Variants in KRT81 observed in about 807,000 individuals in gnomAD.
KRT81 encodes the protein keratin, type II cuticular Hb1.
Under a neutral mutation model 35.8 loss-of-function variants are expected in KRT81, and 35 were observed. The ratio of observed to expected loss-of-function variants is 0.98; its 90% confidence interval spans 0.75 to 1.30. The LOEUF (loss-of-function observed/expected upper bound fraction) is 1.30, where lower values mean the gene tolerates loss of function less well. Among genes scored for constraint, KRT81 ranks in the 50% most tolerant of loss-of-function variants. KRT81 has a pLI of 0.00. For synonymous variants in KRT81, 249 were observed against 251.2 expected, an observed-to-expected ratio of 0.99 and a Z score of 0.08; for missense variants, 531 against 577.4, an observed-to-expected ratio of 0.92 and a Z score of 0.82.
At chr12:52,287,846 G>A (rs1282994283) in intron 5 of KRT81, 125 bp from the exon 6 acceptor site, 18 of 1,601,808 alleles carry the variant, frequency 1.1e-5, no homozygotes, top group African/African-American at 4.0e-5. Context: ...GTCCTGCCCT[G>A]CCACCCCAAC....
Position 52,287,339 on chromosome 12 carries a change from G to C in KRT81, c.1027-17C>G. On this transcript the variant is annotated splice_polypyrimidine_tract_variant and intron_variant, in intron 6 of 8. Coordinates refer to ENST00000327741, the MANE Select transcript of KRT81 (RefSeq NM_002281.4). The stretch of plus-strand genomic sequence containing the variant: ...CTTGGAGTTCTGAAGAGAACAGAAA[G>C]AACAAGGTAGATTAGAGTCCCTGGG... The C allele has an allele frequency of 1.2e-6, 2 of 1,613,888 alleles. No individual in the cohort carries two copies. The highest frequency in any genetic ancestry group is 8.5e-7 in the Non-Finnish European group (1 of 1,179,960).
rs1938093928 is a variant in KRT81, at chr12:52,290,545, C to CCCA, written c.370-260_370-259insTGG. Among the ~76,000 whole-genome samples the CCCA allele has an allele frequency of 1.1e-4, 2 of 18,320 alleles. 1 individual carries two copies. Among genetic ancestry groups the CCCA allele is most frequent in the Non-Finnish European group, 1.8e-4 (2 of 11,140 alleles). The allele number at this position is 18,320 out of a possible 152,430, so 12.0% of individuals were successfully genotyped here. A position where few individuals can be genotyped will look rare whatever the true frequency, so the allele number is the denominator to read the frequency against. On this transcript the variant is annotated intron_variant, in intron 1 of 8. Transcript: ENST00000327741. Reference sequence around the variant, plus strand: ...TGGGGAGTTGAGTGACCCCCCCCCCCCAACCCAAGCAGATGAACAGAAGTG... The same window carrying CCCA: ...TGGGGAGTTGAGTGACCCCCCCCCCCCCACAACCCAAGCAGATGAACAGAAGTG...
In KRT81 at chr12:52,287,091, G is replaced by A. The variant is rs934290936; in HGVS notation, c.1247+11C>T. 6.2e-7 allele frequency: 1 copy of A among 1,612,766 alleles called. No individual in the cohort carries two copies. ...GAAGGGTGGTTCTGGGCCACCCTTG[G>A]TTGGACCCACCTCTGCTCCTCGCCC... On this transcript the variant is annotated intron_variant, in intron 7 of 8. Transcript: ENST00000327741.
Position 52,286,468 on chromosome 12 carries a change from G to A in KRT81, c.1305C>T (p.Val435=), listed in dbSNP as rs974848929. The A allele has an allele frequency of 1.6e-5, 25 of 1,552,258 alleles. 2 individuals carry two copies. The South Asian group carries it at 1.9e-4, about 12-fold the overall frequency. The change falls in exon 9 of 9, where the codon GTC becomes GTT. Residue 435 remains valine (V), a synonymous_variant. Coordinates refer to ENST00000327741, the MANE Select transcript of KRT81 (RefSeq NM_002281.4). ...NVCVSSSRGG[V]VCGDLCVSGS... is the part of the protein sequence containing the mutation. The stretch of plus-strand genomic sequence containing the variant: ...CTGACACGCAGAGGTCCCCGCACAC[G>A]ACCCCGCCCCGGGAGCTGCTGACAC...
At position 52,286,430 on chromosome 12, in the gene KRT81, A is replaced by T. The variant is rs1419981004; in HGVS notation, c.1343T>A (p.Val448Glu). 3 of 1,553,032 alleles carry T rather than the reference A, an allele frequency of 1.9e-6. No individual in the cohort carries two copies. Among genetic ancestry groups the T allele is most frequent in the African/African-American group, 2.7e-5 (2 of 73,288 alleles). Residue 448 changes from valine to glutamate, a missense_variant, in exon 9 of 9, where the codon GTG becomes GAG. By Grantham distance (121) the Val-to-Glu change is moderately radical (BLOSUM62 -2). Around this residue, in one of 5 missense-constraint regions of KRT81, gnomAD observed 150 missense variants for 145.4 expected, o/e 1.03. Transcript: ENST00000327741. ...CGGAGCGCTGCAGACACTGCCAGTCACTGGCCGGGAGCCTGACACGCAGAG... is the reference window on the plus strand; with the variant it reads ...CGGAGCGCTGCAGACACTGCCAGTCTCTGGCCGGGAGCCTGACACGCAGAG... ...GDLCVSGSRP[V>E]TGSVCSAPCN...
rs1421786119 is a variant in KRT81 at position 52,287,342 on chromosome 12, C to A, written c.1027-20G>T. The A allele has an allele frequency of 1.2e-6, 2 of 1,613,736 alleles. No homozygotes were observed. Among genetic ancestry groups the A allele is most frequent in the Non-Finnish European group, 1.7e-6 (2 of 1,179,940 alleles). On this transcript the variant is annotated intron_variant, in intron 6 of 8. Coordinates refer to ENST00000327741, the MANE Select transcript of KRT81 (RefSeq NM_002281.4). ...GGAGTTCTGAAGAGAACAGAAAGAACAAGGTAGATTAGAGTCCCTGGGTCT... is the reference window on the plus strand; with the variant it reads ...GGAGTTCTGAAGAGAACAGAAAGAAAAAGGTAGATTAGAGTCCCTGGGTCT...
At position 52,291,353 on chromosome 12, in the gene KRT81, T is replaced by G. The variant is rs1280751495; in HGVS notation, c.113A>C (p.Tyr38Ser). The change falls in exon 1 of 9, where the codon TAC becomes TCC. Residue 38 changes from tyrosine to serine, a missense_variant. This residue lies in a region of KRT81 where 133 missense variants were observed against 125.9 expected (regional missense o/e 1.06). Transcript: ENST00000327741. ...GCCGAAGCCCCCGGTGAGGCCGCGGTAGCAGGAGATGCCACGGTAGGGGGC... is the reference window on the plus strand; with the variant it reads ...GCCGAAGCCCCCGGTGAGGCCGCGGGAGCAGGAGATGCCACGGTAGGGGGC... ...TAAPYRGISC[Y>S]RGLTGGFGSH... 6.3e-7 allele frequency: 1 copy of G among 1,589,358 alleles called. No individual in the cohort carries two copies. Among genetic ancestry groups the G allele is most frequent in the Middle Eastern group, 1.9e-4 (1 of 5,240 alleles).
At chr12:52,288,632 T>C (rs1370962528) in intron 3 of KRT81, among the ~76,000 whole-genome samples, 176 bp from the exon 4 acceptor site, 1 of 152,152 alleles carries the variant, frequency 6.6e-6, no homozygotes, top group Admixed American at 6.5e-5. Flanking sequence ...GTCCCTCTGA[T>C]GACAAACCCT....
rs776185671 is a variant in KRT81, at chr12:52,291,489, C to T, written c.-24G>A. 1 of 1,611,986 alleles carries T rather than the reference C, an allele frequency of 6.2e-7. No homozygotes were observed. Among genetic ancestry groups the T allele is most frequent in the South Asian group, 1.1e-5 (1 of 90,678 alleles). On this transcript the variant is annotated 5_prime_UTR_variant, in exon 1 of 9. Coordinates refer to ENST00000327741, the MANE Select transcript of KRT81 (RefSeq NM_002281.4). ...ATGATCCTCCTGGACGTTTGGGTTG[C>T]AGAGGACAGGATAGGGGACCTGGAG...
intron 5 of KRT81, 87 bp from the exon 6 acceptor site, chr12:52,287,808 T>G: frequency 6.2e-7 from 1 of 1,610,594 alleles, no homozygotes; most frequent in Non-Finnish European, 8.5e-7. Context: ...GGTTGTACAG[T>G]GCTCAGCCTG....
chr12:52,287,489 C>A, intron 6 of KRT81, 107 bp downstream of exon 6: 2 of 1,605,078 alleles, frequency 1.2e-6, no homozygotes, highest in Non-Finnish European at 1.7e-6. Context: ...TCTACATGGA[C>A]AAAGGGGGTG....
In KRT81 at chr12:52,285,928, T is replaced by C. The variant is rs554972437; in HGVS notation, c.*327A>G. ...AAGACCCAGGTTGGCTACATTAATT[T>C]ATTGAAACACAGATCAAGAGCAGAG... On this transcript the variant is annotated 3_prime_UTR_variant, in exon 9 of 9. Coordinates refer to ENST00000327741, the MANE Select transcript of KRT81 (RefSeq NM_002281.4). The C allele has an allele frequency of 4.8e-4, 192 of 403,026 alleles. No homozygotes were observed. The highest frequency in any genetic ancestry group is 3.8e-3 in the African/African-American group (189 of 49,298). The allele number at this position is 403,026 out of a possible 1,614,324, so 25.0% of individuals were successfully genotyped here. A position where few individuals can be genotyped will look rare whatever the true frequency, so the allele number is the denominator to read the frequency against.
At chr12:52,288,799 T>A (rs1456519488) in intron 3 of KRT81, among the ~76,000 whole-genome samples, 2 of 152,112 alleles carry the variant, frequency 1.3e-5, no homozygotes. Context: ...AAGAGCCCAG[T>A]GGCTGCTCCT....
Position 52,286,114 on chromosome 12 carries a change from G to A in KRT81, c.*141C>T. On this transcript the variant is annotated 3_prime_UTR_variant, in exon 9 of 9. Transcript: ENST00000327741. ...GCCCAGAAGTGGGGGATCACACAGA[G>A]AAATGTGAGGCCAGGAGTGGGAGGG... 1.3e-6 allele frequency: 1 copy of A among 758,000 alleles called. No individual in the cohort carries two copies. The highest frequency in any genetic ancestry group is 1.6e-5 in the South Asian group (1 of 61,182). The allele number at this position is 758,000 out of a possible 1,614,324, so 47.0% of individuals were successfully genotyped here.
At position 52,286,399 on chromosome 12, in the gene KRT81, G is replaced by A. The variant is rs750725979; in HGVS notation, c.1374C>T (p.Asn458=). The A allele has an allele frequency of 2.3e-5, 35 of 1,554,976 alleles. No homozygotes were observed. The highest frequency in any genetic ancestry group is 7.3e-5 in the East Asian group (3 of 41,350). The change falls in exon 9 of 9, where the codon AAC becomes AAT. Residue 458 remains asparagine, a synonymous_variant. Transcript: ENST00000327741. ...GGCCGGTGCTCACCGCCACGTTCCC[G>A]TTGCACGGAGCGCTGCAGACACTGC... ...VTGSVCSAPC[N]GNVAVSTGLC... is the part of the protein sequence containing the mutation.
chr12:52,288,231 T>A, intron 4 of KRT81, 83 bp from the exon 5 acceptor site: 1 of 1,595,750 alleles, frequency 6.3e-7, no homozygotes, highest in Admixed American at 1.7e-5. Context: ...AGGCTTTCTC[T>A]GGTCCCCAAC....
At chr12:52,286,711 A>G in intron 8 of KRT81, 80 bp downstream of exon 8, 1 of 1,461,824 alleles carries the variant, frequency 6.8e-7, no homozygotes, top group Non-Finnish European at 9.6e-7. Context: ...ATTCAATCTC[A>G]GTAACACTCC....
chr12:52,288,903 CA>C (rs1938055656), intron 3 of KRT81, among the ~76,000 whole-genome samples: 1 of 150,714 alleles, frequency 6.6e-6, no homozygotes, highest in African/African-American at 2.5e-5. Context: ...TGTCTCTCAG[CA>C]GAGACATTGT....
Position 52,288,139 on chromosome 12 carries a change from T to C in KRT81, c.745A>G (p.Ile249Val), listed in dbSNP as rs201895192. Residue 249 changes from isoleucine to valine, a missense_variant, in exon 5 of 9, where the codon ATT (isoleucine) becomes GTT (valine). Ile to Val is a conservative substitution (Grantham distance 29). Transcript: ENST00000327741. ...GTGTCTGAGATGTGCGACTGGAGAA[T>C]GAGGATCTCCTGCAGGAGGTGAGGG... is the stretch of plus-strand genomic sequence containing the variant. ...LRRLYEEEILILQSHISDTSV... is the reference protein window; with the variant it reads ...LRRLYEEEILVLQSHISDTSV... The C allele has an allele frequency of 1.3e-3, 2,080 of 1,613,850 alleles. 3 individuals carry two copies. Among genetic ancestry groups the C allele is most frequent in the East Asian group, 3.2e-3 (142 of 44,864 alleles).
Sources: allele counts gnomAD v4.1 joint callset (sites outside exome capture counted in the v4.1 genomes callset), GRCh38; gene constraint gnomAD v4.1.1; regional missense constraint gnomAD v4.1.1; transcripts MANE v1.5; gene names NCBI Gene and HGNC (gene_info 2026-07-23, HGNC 2026-07-21).